Variants in NLRP12 observed in about 807,000 individuals in gnomAD.
NLRP12 encodes NACHT, LRR and PYD domains-containing protein 12.
NLRP12 carries 108 observed loss-of-function variants against 91.2 expected under a neutral mutation model. The observed-to-expected ratio is 1.18, with a 90% CI of 1.01 to 1.39. NLRP12 has a LOEUF of 1.39. Ranked by LOEUF, NLRP12 falls within the 40% of genes most tolerant of loss-of-function variation. The pLI is 0.00. For missense variants in NLRP12, 1,530 were observed against 1,352.7 expected, an observed-to-expected ratio of 1.13 and a Z score of -2.06; for synonymous variants, 613 against 566.7, an observed-to-expected ratio of 1.08 and a Z score of -1.16.
At chr19:53,807,257 G>A (rs1470146382) in intron 4 of NLRP12, among the ~76,000 whole-genome samples, 4 of 152,118 alleles carry the variant, frequency 2.6e-5, no homozygotes, top group African/African-American at 4.8e-5. Flanking sequence ...TTGTAGAGAT[G>A]GCATTTTGCC....
At chr19:53,813,749 G>A (rs927362942) in intron 2 of NLRP12, among the ~76,000 whole-genome samples, 3 of 151,868 alleles carry the variant, frequency 2.0e-5, no homozygotes, top group African/African-American at 7.3e-5. Flanking sequence ...GTGCAGTGGC[G>A]TGACCTTGGC....
chr19:53,801,281 AC>A lies in NLRP12; in HGVS notation c.2701del (p.Val901CysfsTer48), dbSNP rs750901736. 6.2e-7 allele frequency: 1 copy of A among 1,613,560 alleles called. No individual in the cohort carries two copies. The highest frequency in any genetic ancestry group is 1.1e-5 in the South Asian group (1 of 91,060). On this transcript the variant is annotated frameshift_variant, in exon 7 of 10. Coordinates refer to ENST00000324134, the MANE Select transcript of NLRP12 (RefSeq NM_144687.4). LOFTEE classifies it high-confidence loss of function. ...CCTGAGGCCCTCACACAGCAGCAGC[AC>A]CCCGAGGTCCCCCAGCTCATTCAGG... The part of the protein sequence containing the change: ...LSLNELGDLG[V>X]LLLCEGLRHP...
At chr19:53,797,824 T>TACTTCCCA (rs1234960180) in intron 8 of NLRP12, among the ~76,000 whole-genome samples, 1 of 151,930 alleles carries the variant, frequency 6.6e-6, no homozygotes, top group African/African-American at 2.4e-5. Flanking sequence ...CTGAAACCTC[T>TACTTCCCA]ACTTCCCAGG....
In NLRP12 at chr19:53,823,961, A is replaced by G. The variant is rs1405838629; in HGVS notation, c.214T>C (p.Leu72=). The change falls in exon 1 of 10, where the codon TTG becomes CTG. Residue 72 remains leucine, a synonymous_variant. Coordinates refer to ENST00000324134, the MANE Select transcript of NLRP12 (RefSeq NM_144687.4). Reference sequence around the variant, plus strand: ...ATCCGCTCAAAGGTGCTGAGAGCCAACCTCCAGGCCTCCTCTGGCCCGAAG... The same window carrying G: ...ATCCGCTCAAAGGTGCTGAGAGCCAGCCTCCAGGCCTCCTCTGGCCCGAAG... ...THFGPEEAWR[L]ALSTFERINR... is the part of the protein sequence containing the mutation. 5 of 1,613,860 alleles carry G rather than the reference A, an allele frequency of 3.1e-6. No homozygotes were observed. Among genetic ancestry groups the G allele is most frequent in the East Asian group, 4.5e-5 (2 of 44,882 alleles).
At chr19:53,800,228 C>A (rs1028460925) in intron 7 of NLRP12, among the ~76,000 whole-genome samples, 1 of 152,024 alleles carries the variant, frequency 6.6e-6, no homozygotes, top group Non-Finnish European at 1.5e-5. Flanking sequence ...TGGTGTGAAC[C>A]CGGGAGGTGG....
At chr19:53,798,024 C>T (rs886183199) in intron 8 of NLRP12, among the ~76,000 whole-genome samples, 3 of 152,246 alleles carry the variant, frequency 2.0e-5, no homozygotes, top group African/African-American at 7.2e-5. Context: ...CATGCGCCAT[C>T]GCGCCTGGCC....
chr19:53,811,154 G>C lies in NLRP12; in HGVS notation c.505C>G (p.Pro169Ala). The C allele has an allele frequency of 6.2e-7, 1 of 1,614,132 alleles. No individual in the cohort carries two copies. Among genetic ancestry groups the C allele is most frequent in the Non-Finnish European group, 8.5e-7 (1 of 1,180,030 alleles). The stretch of plus-strand genomic sequence containing the variant: ...AGAAGCTGCTGCTGGACCTGCATGG[G>C]GTTTGAGTGCTCCTTCACCAGCAGG... Reference protein sequence around the residue: ...RLLLVKEHSNPMQVQQQLLDT... With the variant: ...RLLLVKEHSNAMQVQQQLLDT... The change falls in exon 3 of 10, where the codon CCC becomes GCC. Residue 169 changes from proline (P) to alanine (A), a missense_variant. Physicochemically the swap from Pro to Ala is conservative, Grantham distance 27 (BLOSUM62 -1). Transcript: ENST00000324134.
intron 5 of NLRP12, 78 bp downstream of exon 5, chr19:53,805,202 G>C: frequency 6.9e-7 from 1 of 1,445,684 alleles, no homozygotes; most frequent in East Asian, 2.3e-5. Flanking sequence ...GAGATTTGGG[G>C]ATTACCAGCA....
At chr19:53,819,457 A>ATATATGTGTGTG (rs2092220405) in intron 1 of NLRP12, among the ~76,000 whole-genome samples, 1 of 4,600 alleles carries the variant, frequency 2.2e-4, no homozygotes, top group African/African-American at 8.0e-4. Flanking sequence ...ATATATATAT[A>ATATATGTGTGTG]TGTGTGTGTG....
chr19:53,813,524 G>A (rs8110800), intron 2 of NLRP12, among the ~76,000 whole-genome samples: 74,469 of 151,248 alleles, frequency 0.49, 20,191 homozygotes, highest in East Asian at 0.61. Flanking sequence ...GGATGGTCTC[G>A]ATCTCCTGAC....
rs1227674940 is a variant in NLRP12, at chr19:53,809,664, C to G, written c.1995G>C (p.Leu665Phe). The change falls in exon 3 of 10, where the codon TTG becomes TTC. Residue 665 changes from leucine to phenylalanine, a missense_variant. Coordinates refer to ENST00000324134, the MANE Select transcript of NLRP12 (RefSeq NM_144687.4). The stretch of plus-strand genomic sequence containing the variant: ...CGTCCGCGCTGTAGGTGGCGCCATA[C>G]AAGTGCAGCACCTGGGCGCTCCTGC... The part of the protein sequence containing the change: ...KRCRSAQVLH[L>F]YGATYSADGE... 1 of 1,614,004 alleles carries G rather than the reference C, an allele frequency of 6.2e-7. No individual in the cohort carries two copies. Among genetic ancestry groups the G allele is most frequent in the African/African-American group, 1.3e-5 (1 of 75,058 alleles).
intron 9 of NLRP12, among the ~76,000 whole-genome samples, chr19:53,795,126 G>C (rs1600666854): frequency 1.3e-5 from 2 of 151,410 alleles, no homozygotes; most frequent in South Asian, 4.2e-4. Flanking sequence ...GTGTGTGTGT[G>C]TGTGTGTGTG....
chr19:53,799,010 ATTTTTTTTT>A (rs34728764), intron 7 of NLRP12, among the ~76,000 whole-genome samples: 1 of 119,614 alleles, frequency 8.4e-6, no homozygotes, highest in East Asian at 2.5e-4. Flanking sequence ...CTATCTACAA[ATTTTTTTTT>A]TTTTTTTTTT....
intron 1 of NLRP12, among the ~76,000 whole-genome samples, chr19:53,823,106 CACACACATATATAT>C (rs914012488): frequency 2.0e-5 from 3 of 151,094 alleles, no homozygotes; most frequent in African/African-American, 7.3e-5. Flanking sequence ...CACACATATA[CACACACATATATAT>C]ACACATATAT....
intron 2 of NLRP12, among the ~76,000 whole-genome samples, chr19:53,813,288 TTTTTTCTTTTC>T: frequency 7.0e-6 from 1 of 143,000 alleles, no homozygotes; most frequent in African/African-American, 2.7e-5. Flanking sequence ...ATTCTTTTTT[TTTTTTCTTTTC>T]TTTTTTTTTT....
rs993565305 is a variant in NLRP12 at position 53,810,394 on chromosome 19, C to T, written c.1265G>A (p.Gly422Glu). The T allele has an allele frequency of 6.8e-6, 11 of 1,613,612 alleles. No homozygotes were observed. The highest frequency in any genetic ancestry group is 1.3e-5 in the African/African-American group (1 of 74,924). ...GGTCCTGGACGTCTGTCTCAACAGCCCCCCACCCTCCAGCTGCTGCTGGAG... is the reference window on the plus strand; with the variant it reads ...GGTCCTGGACGTCTGTCTCAACAGCTCCCCACCCTCCAGCTGCTGCTGGAG... ...TCLQQQLEGG[G>E]LLRQTSRTTT... Residue 422 changes from glycine (G) to glutamate (E), a missense_variant, in exon 3 of 10, where the codon GGG (glycine) becomes GAG (glutamate). Coordinates refer to ENST00000324134, the MANE Select transcript of NLRP12 (RefSeq NM_144687.4).
intron 2 of NLRP12, 51 bp downstream of exon 2, chr19:53,814,857 T>C (rs369370193): frequency 6.7e-7 from 1 of 1,482,448 alleles, no homozygotes. Context: ...CTCCGTGGGG[T>C]CAGCTGCTCT....
chr19:53,807,859 T>C, intron 3 of NLRP12, 194 bp from the exon 4 acceptor site: 1 of 594,858 alleles, frequency 1.7e-6, no homozygotes, highest in South Asian at 1.6e-5. Context: ...CAAGCGATTC[T>C]CCTGCCTCAG....
intron 9 of NLRP12, among the ~76,000 whole-genome samples, chr19:53,795,011 C>T (rs1045313046): frequency 6.6e-6 from 1 of 151,878 alleles, no homozygotes; most frequent in African/African-American, 2.4e-5. Flanking sequence ...AATCATGGTT[C>T]ACTGCAGCCT....
Sources: gnomAD v4.1 joint callset for allele counts (sites outside exome capture counted in the v4.1 genomes callset) on GRCh38, gnomAD v4.1.1 for gene constraint, MANE v1.5 for transcripts, NCBI Gene and HGNC (gene_info 2026-07-23, HGNC 2026-07-21) for gene names.